The following ARID1B variants were observed in gnomAD, a reference collection of about 807,000 sequenced individuals.
ARID1B encodes the protein AT-rich interactive domain-containing protein 1B.
Under a neutral mutation model 212.3 loss-of-function variants are expected in ARID1B, and 30 were observed. The ratio of observed to expected loss-of-function variants is 0.14; its 90% confidence interval spans 0.11 to 0.19. ARID1B has a LOEUF of 0.19. Ranked by LOEUF, ARID1B falls within the 10% of genes least tolerant of loss-of-function variation. The pLI, the probability that ARID1B is intolerant of heterozygous loss-of-function variation, is 1.00. For missense variants in ARID1B, 2,891 were observed against 3,204.0 expected, an observed-to-expected ratio of 0.90 and a Z score of 2.36; for synonymous variants, 1,402 against 1,301.7, an observed-to-expected ratio of 1.08 and a Z score of -1.66.
At chr6:156,887,035 T>G (rs1787562812) in intron 2 of ARID1B, among the ~76,000 whole-genome samples, 1 of 152,228 alleles carries the variant, frequency 6.6e-6, no homozygotes, top group Admixed American at 6.5e-5. Flanking sequence ...AATGGTGGGC[T>G]GGTGGTAGCA....
chr6:157,078,491 T>A (rs1323873092), intron 4 of ARID1B, among the ~76,000 whole-genome samples: 1 of 152,226 alleles, frequency 6.6e-6, no homozygotes, highest in Non-Finnish European at 1.5e-5. Flanking sequence ...CTGAGACTGT[T>A]AATAGTTGAA....
chr6:156,932,150 G>GT (rs1791791491), intron 3 of ARID1B, among the ~76,000 whole-genome samples: 1 of 136,702 alleles, frequency 7.3e-6, no homozygotes, highest in Non-Finnish European at 1.5e-5. Context: ...AAAAAAGGGG[G>GT]GGGGCGGGGT....
intron 10 of ARID1B, chr6:157,174,391 G>A (rs1276795605): frequency 6.2e-6 from 2 of 323,684 alleles, no homozygotes; most frequent in East Asian, 1.1e-4. Context: ...GGGGTGGGGA[G>A]AAGTAGGGGT....
intron 4 of ARID1B, among the ~76,000 whole-genome samples, chr6:157,060,573 C>G (rs1783271947): frequency 7.1e-6 from 1 of 141,768 alleles, no homozygotes; most frequent in African/African-American, 2.6e-5. Flanking sequence ...ATCTGGTTAA[C>G]ATATAGATTT....
chr6:156,960,704 C>T (rs1286154614), intron 4 of ARID1B, among the ~76,000 whole-genome samples: 4 of 152,060 alleles, frequency 2.6e-5, no homozygotes, highest in African/African-American at 9.7e-5. Context: ...TGAGGGAGAA[C>T]CCCAAATTAC....
intron 8 of ARID1B, among the ~76,000 whole-genome samples, chr6:157,164,096 C>T (rs752250612): frequency 6.6e-6 from 1 of 152,214 alleles, no homozygotes; most frequent in African/African-American, 2.4e-5. Context: ...AAATAAATTA[C>T]TGTCACTATC....
At chr6:157,085,664 G>A (rs997374501) in intron 5 of ARID1B, among the ~76,000 whole-genome samples, 4 of 151,474 alleles carry the variant, frequency 2.6e-5, no homozygotes, top group African/African-American at 7.3e-5. Context: ...AATCATGGGC[G>A]TTAGTTTTGG....
chr6:157,128,886 A>G (rs1235078238), intron 6 of ARID1B, among the ~76,000 whole-genome samples: 1 of 152,232 alleles, frequency 6.6e-6, no homozygotes, highest in African/African-American at 2.4e-5. Context: ...GCCTTTGGCC[A>G]GGGGAACTCT....
At chr6:157,110,817 C>T in intron 6 of ARID1B, 3 of 541,046 alleles carry the variant, frequency 5.5e-6, no homozygotes, top group Non-Finnish European at 1.0e-5. Flanking sequence ...CACCATGAAG[C>T]ATGGTTCACA....
intron 6 of ARID1B, among the ~76,000 whole-genome samples, chr6:157,123,652 A>G (rs535457556): frequency 1.3e-5 from 2 of 152,250 alleles, no homozygotes; most frequent in Non-Finnish European, 2.9e-5. Context: ...TCACTGATGA[A>G]TGGTTTGTAG....
intron 4 of ARID1B, among the ~76,000 whole-genome samples, chr6:156,948,441 C>T (rs1793329590): frequency 6.6e-6 from 1 of 152,140 alleles, no homozygotes; most frequent in Non-Finnish European, 1.5e-5. Flanking sequence ...GTGTCTCACT[C>T]TGTTGCCAGG....
At chr6:156,958,159 C>G (rs138961670) in intron 4 of ARID1B, among the ~76,000 whole-genome samples, 25 of 152,300 alleles carry the variant, frequency 1.6e-4, no homozygotes, top group African/African-American at 6.0e-4. Context: ...GTAGTCCAAT[C>G]CATGCCTTCT....
In ARID1B at chr6:156,835,439, GAGA is replaced by G. The variant is rs554586620; in HGVS notation, c.1986+6022_1986+6024del. On this transcript the variant is annotated intron_variant, in intron 2 of 19. Transcript: ENST00000636930. Reference sequence around the variant, plus strand: ...TCTTTAGCCTTTTTCCGAAAAGTGAGAGAAGATCAGATTTTACCTGAAAGTTTA... The same window carrying G: ...TCTTTAGCCTTTTTCCGAAAAGTGAGAGATCAGATTTTACCTGAAAGTTTA... Among the ~76,000 whole-genome samples the G allele has an allele frequency of 3.7e-4, 56 of 152,218 alleles. No individual in the cohort carries two copies. The South Asian group carries it at 8.7e-3, about 24-fold the overall frequency.
At chr6:157,196,387 G>T in intron 16 of ARID1B, 72 bp downstream of exon 16, 1 of 1,525,662 alleles carries the variant, frequency 6.6e-7, no homozygotes, top group East Asian at 2.3e-5. Context: ...ACATTTCTGA[G>T]CCCTGGCAGC....
chr6:156,801,007 A>T (rs1217222532), intron 1 of ARID1B, among the ~76,000 whole-genome samples: 1 of 152,190 alleles, frequency 6.6e-6, no homozygotes, highest in Non-Finnish European at 1.5e-5. Flanking sequence ...ATAAGTTGCA[A>T]AATAGATCTA....
At chr6:157,109,153 A>G (rs561425486) in intron 5 of ARID1B, among the ~76,000 whole-genome samples, 1 of 152,272 alleles carries the variant, frequency 6.6e-6, no homozygotes, top group Non-Finnish European at 1.5e-5. Context: ...GCCTGGCCAC[A>G]TGGGTAACAG....
chr6:156,939,431 TATA>T (rs1792498467), intron 4 of ARID1B: 1 of 152,240 alleles, frequency 6.6e-6, no homozygotes, highest in Non-Finnish European at 1.5e-5. Flanking sequence ...ATCCTTTTAT[TATA>T]GTTATCCTGA....
intron 2 of ARID1B, among the ~76,000 whole-genome samples, chr6:156,898,476 C>A (rs879505019): frequency 6.6e-6 from 1 of 152,016 alleles, no homozygotes; most frequent in Admixed American, 6.6e-5. Context: ...GAGGGACAGC[C>A]GCCCAGATGC....
chr6:157,146,325 G>C (rs912018673), intron 7 of ARID1B, among the ~76,000 whole-genome samples: 16 of 152,190 alleles, frequency 1.1e-4, no homozygotes, highest in Admixed American at 1.0e-3. Flanking sequence ...GTTTTACAGA[G>C]AAGAGAATGA....
Sources: allele counts gnomAD v4.1 joint callset (sites outside exome capture counted in the v4.1 genomes callset), GRCh38; gene constraint gnomAD v4.1.1; transcripts MANE v1.5; gene names NCBI Gene and HGNC (gene_info 2026-07-23, HGNC 2026-07-21).